SEC22C: variants seen among roughly 807,000 people sequenced by gnomAD.
The protein encoded by SEC22C is SEC22 homolog C, vesicle trafficking protein.
Under a neutral mutation model 34.7 loss-of-function variants are expected in SEC22C, and 29 were observed. The observed-to-expected ratio is 0.84, with a 90% CI of 0.62 to 1.14. The LOEUF (loss-of-function observed/expected upper bound fraction) is 1.14. Ranked by LOEUF, SEC22C falls within the 50% of genes most tolerant of loss-of-function variation. The pLI is 0.00. For missense variants in SEC22C, 337 were observed against 369.0 expected (o/e 0.91, Z 0.71); for synonymous variants, 117 against 132.8 (o/e 0.88, Z 0.82).
chr3:42,556,241 C>T (rs1009468028), intron 5 of SEC22C, among the ~76,000 whole-genome samples: 18 of 152,130 alleles, frequency 1.2e-4, no homozygotes, highest in Non-Finnish European at 2.9e-5. Context: ...TGGAATGGGC[C>T]GCCAATCCCT....
In SEC22C at chr3:42,552,897, C is replaced by A; in HGVS notation, c.*351G>T. 1 of 1,052,962 alleles carries A rather than the reference C, an allele frequency of 9.5e-7. No individual in the cohort carries two copies. The highest frequency in any genetic ancestry group is 1.1e-6 in the Non-Finnish European group (1 of 872,706). The allele number at this position is 1,052,962 out of a possible 1,614,324, so 65.2% of individuals were successfully genotyped here. ...GGAGACAACTCTCAATGACTAAAAC[C>A]AGTGTTATTGAATCAAGTGGTTTAC... On this transcript the variant is annotated 3_prime_UTR_variant, in exon 7 of 7. Coordinates refer to ENST00000264454, the MANE Select transcript of SEC22C (RefSeq NM_032970.4).
intron 2 of SEC22C, among the ~76,000 whole-genome samples, chr3:42,566,112 G>A (rs1270751942): frequency 2.0e-5 from 3 of 152,150 alleles, no homozygotes; most frequent in African/African-American, 7.2e-5. Flanking sequence ...GTAAAGGAGA[G>A]ACCATCAAGG....
At chr3:42,559,091 A>T (rs1314168135) in intron 4 of SEC22C, among the ~76,000 whole-genome samples, 1 of 152,244 alleles carries the variant, frequency 6.6e-6, no homozygotes, top group Non-Finnish European at 1.5e-5. Flanking sequence ...TTCTCTGTAA[A>T]GATAACCACT....
rs143857552 is a variant in SEC22C at position 42,577,121 on chromosome 3, A to G, written c.-28+4725T>C. ...CATAAAAATTAACTAAAAATTTATC[A>G]TAGATATAAATATGAAAAATAAAAC... On this transcript the variant is annotated intron_variant, in intron 1 of 6. Coordinates refer to ENST00000264454, the MANE Select transcript of SEC22C (RefSeq NM_032970.4). 7.7e-3 allele frequency among the ~76,000 whole-genome samples: 1,179 copies of G among 152,284 alleles called. 22 individuals carry two copies. The highest frequency in any genetic ancestry group is 0.027 in the African/African-American group (1,125 of 41,554).
At position 42,548,930 on chromosome 3, in the gene SEC22C, T is replaced by C; in HGVS notation, c.*4318A>G. On this transcript the variant is annotated 3_prime_UTR_variant, in exon 7 of 7. Coordinates refer to ENST00000264454, the MANE Select transcript of SEC22C (RefSeq NM_032970.4). Reference sequence around the variant, plus strand: ...CCAGTATTACCCTCCACTACCACTTTTGACCCTCATAACAGCACCCTGGCG... The same window carrying C: ...CCAGTATTACCCTCCACTACCACTTCTGACCCTCATAACAGCACCCTGGCG... 3 of 1,259,264 alleles carry C rather than the reference T, an allele frequency of 2.4e-6. No individual in the cohort carries two copies. The highest frequency in any genetic ancestry group is 3.0e-5 in the African/African-American group (2 of 67,112). The allele number at this position is 1,259,264 out of a possible 1,614,324, so 78.0% of individuals were successfully genotyped here. A position where few individuals can be genotyped will look rare whatever the true frequency, so the allele number is the denominator to read the frequency against.
chr3:42,594,693 C>T (rs1704976109), intron 1 of SEC22C: 1 of 476,210 alleles, frequency 2.1e-6, no homozygotes, highest in African/African-American at 2.0e-5. Context: ...GCTGTATTCT[C>T]ATGTAAATAT....
chr3:42,589,998 G>A (rs115070776), intron 1 of SEC22C, among the ~76,000 whole-genome samples: 63 of 152,314 alleles, frequency 4.1e-4, no homozygotes, highest in African/African-American at 1.5e-3. Context: ...CAGGCTGCCC[G>A]TATTCAGAGA....
rs140915362 is a variant in SEC22C, at chr3:42,563,790, A to G, written c.183-104T>C. The G allele has an allele frequency of 7.0e-6, 11 of 1,568,824 alleles. No homozygotes were observed. The East Asian group carries it at 1.2e-4, about 17-fold the overall frequency. ...CTGAATTCTGCACTTGCTTGGCTTT[A>G]AACAGTCCTGTAGCTGTTTGCTGCA... On this transcript the variant is annotated intron_variant, in intron 2 of 6. Coordinates refer to ENST00000264454, the MANE Select transcript of SEC22C (RefSeq NM_032970.4).
intron 2 of SEC22C, among the ~76,000 whole-genome samples, chr3:42,568,106 A>G (rs922827472): frequency 2.0e-5 from 3 of 152,086 alleles, no homozygotes; most frequent in African/African-American, 7.2e-5. Flanking sequence ...AAAGTGAAAA[A>G]TTAAAACATA....
chr3:42,562,941 A>G (rs1422953275), intron 3 of SEC22C, among the ~76,000 whole-genome samples: 2 of 152,250 alleles, frequency 1.3e-5, no homozygotes, highest in East Asian at 3.8e-4. Context: ...AAAGCAATAA[A>G]AAATAATCAC....
Position 42,551,157 on chromosome 3 carries a change from T to C in SEC22C, c.*2091A>G, listed in dbSNP as rs1206323001. On this transcript the variant is annotated 3_prime_UTR_variant, in exon 7 of 7. Transcript: ENST00000264454. ...GTTATTGACTTTTAAAGCTTTTTTG[T>C]TCTTCTCATTTAAAACATTTTACCT... is the stretch of plus-strand genomic sequence containing the variant. The C allele has an allele frequency of 5.9e-5, 58 of 985,244 alleles. No homozygotes were observed. Among genetic ancestry groups the C allele is most frequent in the Non-Finnish European group, 6.6e-5 (55 of 829,926 alleles). The allele number at this position is 985,244 out of a possible 1,614,324, so 61.0% of individuals were successfully genotyped here.
chr3:42,559,774 T>C (rs1187791235), intron 4 of SEC22C, among the ~76,000 whole-genome samples: 1 of 152,228 alleles, frequency 6.6e-6, no homozygotes, highest in Non-Finnish European at 1.5e-5. Context: ...ATTAGTTTAA[T>C]TGTATGTAAC....
In SEC22C at chr3:42,549,051, G is replaced by A; in HGVS notation, c.*4197C>T. 1 of 984,666 alleles carries A rather than the reference G, an allele frequency of 1.0e-6. No individual in the cohort carries two copies. Among genetic ancestry groups the A allele is most frequent in the Non-Finnish European group, 1.2e-6 (1 of 821,596 alleles). 61.0% of individuals were successfully genotyped at this position (984,666 alleles called of 1,614,324 possible). A position where few individuals can be genotyped will look rare whatever the true frequency, so the allele number is the denominator to read the frequency against. On this transcript the variant is annotated 3_prime_UTR_variant, in exon 7 of 7. Transcript: ENST00000264454. Reference sequence around the variant, plus strand: ...ACTGCGACATAGGACTCAGTGAAGAGCCTAGCCAGCTGACGGTCAGCTGAC... The same window carrying A: ...ACTGCGACATAGGACTCAGTGAAGAACCTAGCCAGCTGACGGTCAGCTGAC...
At chr3:42,566,902 T>A (rs771019452) in intron 2 of SEC22C, 2 of 271,544 alleles carry the variant, frequency 7.4e-6, no homozygotes, top group African/African-American at 2.2e-5. Flanking sequence ...GGAGGCTATC[T>A]ATCAATCAAT....
chr3:42,584,421 AT>A (rs1317781082), upstream of SEC22C, among the ~76,000 whole-genome samples: 1 of 152,106 alleles, frequency 6.6e-6, no homozygotes, highest in African/African-American at 2.4e-5. Flanking sequence ...CGCCCAGCTA[AT>A]TTTTGTATTT....
chr3:42,557,508 G>A (rs1281198120), intron 5 of SEC22C, 70 bp downstream of exon 5: 3 of 649,550 alleles, frequency 4.6e-6, no homozygotes, highest in Non-Finnish European at 7.9e-6. Context: ...TAGATAAAAT[G>A]TATCCCTATC....
chr3:42,553,569 CT>C (rs1294258072), intron 6 of SEC22C, 121 bp from the exon 7 acceptor site: 10 of 1,398,570 alleles, frequency 7.2e-6, no homozygotes, highest in Non-Finnish European at 9.5e-6. Context: ...GCTGATTAAA[CT>C]GAATTCATTA....
chr3:42,585,883 C>G (rs1427468561), upstream of SEC22C, among the ~76,000 whole-genome samples: 1 of 152,080 alleles, frequency 6.6e-6, no homozygotes, highest in African/African-American at 2.4e-5. Flanking sequence ...CTCTCCAGCT[C>G]TCCCCCAAAA....
chr3:42,565,883 C>A (rs1370468140), intron 2 of SEC22C: 1 of 456,030 alleles, frequency 2.2e-6, no homozygotes, highest in Non-Finnish European at 4.4e-6. Context: ...GTACTGCTCA[C>A]CTGTAAGAAA....
Sources: gnomAD v4.1 joint callset for allele counts (sites outside exome capture counted in the v4.1 genomes callset) on GRCh38, gnomAD v4.1.1 for gene constraint, MANE v1.5 for transcripts, NCBI Gene and HGNC (gene_info 2026-07-23, HGNC 2026-07-21) for gene names.